DCLK2: variants seen among roughly 807,000 people sequenced by gnomAD.
The protein encoded by DCLK2 is doublecortin like kinase 2, also known as serine/threonine-protein kinase DCLK2.
DCLK2 carries 31 observed loss-of-function variants against 78.4 expected under a neutral mutation model. That is an observed-to-expected ratio of 0.40 (90% confidence interval 0.30 to 0.53). The LOEUF is 0.53. Ranked by LOEUF, DCLK2 falls within the 20% of genes least tolerant of loss-of-function variation. The pLI, the probability that DCLK2 is intolerant of heterozygous loss-of-function variation, is 0.61. For missense variants in DCLK2, 872 were observed against 973.7 expected, an observed-to-expected ratio of 0.90 and a Z score of 1.39; for synonymous variants, 407 against 374.9, an observed-to-expected ratio of 1.09 and a Z score of -0.99.
intron 15 of DCLK2, among the ~76,000 whole-genome samples, chr4:150,255,522 G>A (rs1744494433): frequency 6.6e-6 from 1 of 152,230 alleles, no homozygotes; most frequent in Admixed American, 6.5e-5. Context: ...AAAGAGTAAT[G>A]TGGCTCCATC....
At chr4:150,166,337 T>A (rs948052045) in intron 2 of DCLK2, among the ~76,000 whole-genome samples, 3 of 147,900 alleles carry the variant, frequency 2.0e-5, no homozygotes, top group Non-Finnish European at 2.9e-5. Context: ...ATAAAATTTT[T>A]AAAAAAATTA....
chr4:150,119,467 G>A (rs1164952925), intron 2 of DCLK2, among the ~76,000 whole-genome samples: 1 of 152,132 alleles, frequency 6.6e-6, no homozygotes, highest in Non-Finnish European at 1.5e-5. Context: ...TAAAGTCATG[G>A]ATATATGCCC....
At chr4:150,155,636 T>C (rs928701688) in intron 2 of DCLK2, among the ~76,000 whole-genome samples, 2 of 152,224 alleles carry the variant, frequency 1.3e-5, no homozygotes, top group Non-Finnish European at 2.9e-5. Flanking sequence ...GTCTGGTTAC[T>C]GCCAGCAGGT....
At chr4:150,097,583 T>C (rs1224387175) in intron 1 of DCLK2, among the ~76,000 whole-genome samples, 1 of 152,240 alleles carries the variant, frequency 6.6e-6, no homozygotes, top group African/African-American at 2.4e-5. Flanking sequence ...ATTACATAAT[T>C]GTAAACACTG....
intron 1 of DCLK2, among the ~76,000 whole-genome samples, chr4:150,089,521 A>C (rs1047696287): frequency 1.3e-5 from 2 of 152,236 alleles, no homozygotes; most frequent in African/African-American, 4.8e-5. Context: ...AGTATCCTTA[A>C]GGTTGCATTG....
intron 15 of DCLK2, among the ~76,000 whole-genome samples, chr4:150,251,853 G>A (rs1236792905): frequency 1.3e-5 from 2 of 150,614 alleles, no homozygotes; most frequent in Non-Finnish European, 2.9e-5. Flanking sequence ...ATTCTCTTCT[G>A]TCCCCCGGCT....
At chr4:150,161,433 T>C (rs1374735993) in intron 2 of DCLK2, among the ~76,000 whole-genome samples, 1 of 152,164 alleles carries the variant, frequency 6.6e-6, no homozygotes, top group East Asian at 1.9e-4. Context: ...GGATGTGCAT[T>C]ACAAAGAGAC....
chr4:150,249,590 A>G lies in DCLK2; in HGVS notation c.1979A>G (p.Asn660Ser). 6.2e-7 allele frequency: 1 copy of G among 1,613,740 alleles called. No homozygotes were observed. Among genetic ancestry groups the G allele is most frequent in the Non-Finnish European group, 8.5e-7 (1 of 1,179,944 alleles). Residue 660 changes from asparagine (N) to serine (S), a missense_variant, in exon 15 of 16, where the codon AAC becomes AGC. Coordinates refer to ENST00000296550, the MANE Select transcript of DCLK2 (RefSeq NM_001040260.4). ...WVSDDASQEN[N>S]MQAEVTGKLK... The stretch of plus-strand genomic sequence containing the variant: ...TAGGATGATGCCTCCCAGGAGAATA[A>G]CATGCAAGCTGAGGTGACAGGTAAA...
intron 8 of DCLK2, 125 bp from the exon 9 acceptor site, chr4:150,232,212 T>C: frequency 2.5e-6 from 3 of 1,221,572 alleles, no homozygotes; most frequent in Non-Finnish European, 2.3e-6. Context: ...GTTGTCTTTG[T>C]GCCAAGAGCA....
rs1739188260 is a variant in DCLK2, at chr4:150,198,064, A to T, written c.922A>T (p.Ser308Cys). 1 of 1,613,984 alleles carries T rather than the reference A, an allele frequency of 6.2e-7. No homozygotes were observed. Among genetic ancestry groups the T allele is most frequent in the Non-Finnish European group, 8.5e-7 (1 of 1,179,970 alleles). Residue 308 changes from serine to cysteine, a missense_variant, in exon 4 of 16, where the codon AGC (serine) becomes TGC (cysteine). This residue lies in a region of DCLK2 where 567 missense variants were observed against 593.4 expected (regional missense o/e 0.96). Transcript: ENST00000296550. ...AGCTGTTAAGTATTCTGGATCCAAA[A>T]GCCCTGGGCCCTCTCGACGCAGCAA... ...SSAVKYSGSK[S>C]PGPSRRSKSP...
At chr4:150,224,426 AT>A (rs1283780188) in intron 7 of DCLK2, 74 bp from the exon 8 acceptor site, 1 of 1,404,272 alleles carries the variant, frequency 7.1e-7, no homozygotes, top group Non-Finnish European at 9.7e-7. Flanking sequence ...AAATTAAAGT[AT>A]AAAAAAGAAA....
At position 150,078,907 on chromosome 4, in the gene DCLK2, G is replaced by T. The variant is rs865785151; in HGVS notation, c.-121G>T. ...GGCCCCACCTGCGCGGAGAGGGCGG[G>T]ATGCCAGAGCCAGGTGTCCCGGCGC... On this transcript the variant is annotated 5_prime_UTR_variant, in exon 1 of 16. Coordinates refer to ENST00000296550, the MANE Select transcript of DCLK2 (RefSeq NM_001040260.4). The T allele has an allele frequency of 4.7e-6, 6 of 1,284,362 alleles. No homozygotes were observed. The highest frequency in any genetic ancestry group is 5.1e-6 in the Non-Finnish European group (5 of 973,680). The allele number at this position is 1,284,362 out of a possible 1,614,324, so 79.6% of individuals were successfully genotyped here. A position where few individuals can be genotyped will look rare whatever the true frequency, so the allele number is the denominator to read the frequency against.
intron 1 of DCLK2, among the ~76,000 whole-genome samples, chr4:150,086,114 CAG>C (rs1280719675): frequency 5.3e-5 from 8 of 152,146 alleles, no homozygotes; most frequent in Non-Finnish European, 4.4e-5. Context: ...ACAAACCCAA[CAG>C]GGGGTGGGAC....
At chr4:150,253,603 T>A (rs1744344228) in intron 15 of DCLK2, 1 of 1,286,988 alleles carries the variant, frequency 7.8e-7, no homozygotes, top group African/African-American at 1.5e-5. Context: ...CCTCAGCCCC[T>A]CTCACGCCTG....
intron 1 of DCLK2, among the ~76,000 whole-genome samples, chr4:150,097,715 T>G (rs1730564951): frequency 6.6e-6 from 1 of 152,232 alleles, no homozygotes. Context: ...TTCTGTTCCA[T>G]TACCATGCCT....
At chr4:150,154,859 A>G (rs1313468334) in intron 2 of DCLK2, among the ~76,000 whole-genome samples, 1 of 152,192 alleles carries the variant, frequency 6.6e-6, no homozygotes, top group African/African-American at 2.4e-5. Flanking sequence ...TCATGTGACC[A>G]CCTCTGAAAC....
intron 1 of DCLK2, among the ~76,000 whole-genome samples, chr4:150,098,708 T>A (rs531354109): frequency 2.7e-5 from 4 of 150,706 alleles, no homozygotes; most frequent in South Asian, 4.2e-4. Flanking sequence ...CTTTTTTTTT[T>A]TTTTTTGGCA....
chr4:150,194,070 C>CGT (rs1738678460), intron 3 of DCLK2, among the ~76,000 whole-genome samples: 1 of 130,722 alleles, frequency 7.6e-6, no homozygotes, highest in Non-Finnish European at 1.7e-5. Context: ...CACACACACA[C>CGT]ACGTATACTT....
intron 1 of DCLK2, among the ~76,000 whole-genome samples, chr4:150,096,141 G>A (rs1303657510): frequency 6.6e-6 from 1 of 152,208 alleles, no homozygotes; most frequent in Non-Finnish European, 1.5e-5. Context: ...AGGCAGGGTA[G>A]AAGGAGTTGG....
Sources: gnomAD v4.1 joint callset for allele counts (sites outside exome capture counted in the v4.1 genomes callset) on GRCh38, gnomAD v4.1.1 for gene constraint, gnomAD v4.1.1 regional missense constraint, MANE v1.5 for transcripts, NCBI Gene and HGNC (gene_info 2026-07-23, HGNC 2026-07-21) for gene names.